The following PTPRN2 variants were observed in gnomAD, a reference collection of about 807,000 sequenced individuals.
The protein encoded by PTPRN2 is receptor-type tyrosine-protein phosphatase N2.
In PTPRN2, 74 loss-of-function variants were observed where a neutral mutation model predicts 118.8. The ratio of observed to expected loss-of-function variants is 0.62; its 90% CI spans 0.52 to 0.76. The LOEUF (loss-of-function observed/expected upper bound fraction) is 0.76. Among genes scored for constraint, PTPRN2 ranks in the 30% least tolerant of loss-of-function variants. The pLI is 0.00. For missense variants in PTPRN2, 1,481 were observed against 1,394.4 expected (o/e 1.06, Z -0.99); for synonymous variants, 641 against 608.0 (o/e 1.05, Z -0.80).
intron 3 of PTPRN2, among the ~76,000 whole-genome samples, chr7:158,238,454 A>G (rs1337842972): frequency 6.6e-6 from 1 of 152,188 alleles, no homozygotes; most frequent in East Asian, 1.9e-4. Flanking sequence ...TCTGCCGCTC[A>G]TCAGAAACCT....
Position 158,071,264 on chromosome 7 carries a change from G to A in PTPRN2, c.1723+10034C>T, listed in dbSNP as rs1216168244. On this transcript the variant is annotated intron_variant, in intron 11 of 22. Coordinates refer to ENST00000389418, the MANE Select transcript of PTPRN2 (RefSeq NM_002847.5). ...GTGCTCGTAGTATGGAGGTGCCCGT[G>A]GTGGTGGAGGTGCCCGTGGTGGTGG... 2.7e-3 allele frequency among the ~76,000 whole-genome samples: 131 copies of A among 48,390 alleles called. 10 individuals are homozygous for A. Among genetic ancestry groups the A allele is most frequent in the East Asian group, 8.8e-3 (4 of 452 alleles). 31.7% of individuals were successfully genotyped at this position (48,390 alleles called of 152,430 possible).
intron 2 of PTPRN2, among the ~76,000 whole-genome samples, chr7:158,386,156 CCT>C (rs1191366847): frequency 2.1e-4 from 27 of 126,726 alleles, no homozygotes; most frequent in Non-Finnish European, 2.9e-4. Context: ...CCTCCCATGC[CCT>C]GAGTCCCTCC....
In PTPRN2 at chr7:157,611,281, T is replaced by C. The variant is rs1802316791; in HGVS notation, c.2345-7206A>G. 1.3e-5 allele frequency among the ~76,000 whole-genome samples: 2 copies of C among 152,182 alleles called. No individual in the cohort carries two copies. The highest frequency in any genetic ancestry group is 2.9e-5 in the Non-Finnish European group (2 of 68,040). On this transcript the variant is annotated intron_variant, in intron 15 of 22. Coordinates refer to ENST00000389418, the MANE Select transcript of PTPRN2 (RefSeq NM_002847.5). The surrounding 1 kb of genome is among the most constrained non-coding windows in gnomAD (Gnocchi z 5.9). The stretch of plus-strand genomic sequence containing the variant: ...TCGGAAGCATGTTGGGCAGGTGACC[T>C]GGGGCAGGTGGACTAGAAGGAGCCT...
intron 12 of PTPRN2, among the ~76,000 whole-genome samples, chr7:157,754,475 C>G (rs1801667658): frequency 1.3e-5 from 2 of 152,248 alleles, no homozygotes; most frequent in Non-Finnish European, 2.9e-5. Context: ...AGACATCAAC[C>G]TAGACCAGCC....
chr7:158,096,921 A>G (rs1179965851), intron 10 of PTPRN2, among the ~76,000 whole-genome samples: 5 of 152,180 alleles, frequency 3.3e-5, no homozygotes, highest in Admixed American at 6.5e-5. Context: ...TTTGAGTGAT[A>G]TTACTAACGC....
intron 22 of PTPRN2, among the ~76,000 whole-genome samples, chr7:157,542,101 T>C (rs1419644240): frequency 1.3e-5 from 2 of 152,320 alleles, no homozygotes; most frequent in Non-Finnish European, 2.9e-5. Flanking sequence ...TTTCTGCTCC[T>C]CGAAATTACG....
At chr7:157,588,837 A>G (rs1405363577) in intron 17 of PTPRN2, among the ~76,000 whole-genome samples, 1 of 152,020 alleles carries the variant, frequency 6.6e-6, no homozygotes, top group Non-Finnish European at 1.5e-5. Context: ...GTCTGGGTCT[A>G]GAATGGGCTT....
chr7:157,805,435 T>G (rs1805572041), intron 12 of PTPRN2, among the ~76,000 whole-genome samples: 1 of 152,178 alleles, frequency 6.6e-6, no homozygotes, highest in Non-Finnish European at 1.5e-5. Context: ...AGCACATTTT[T>G]CTTATAAATT....
chr7:157,753,190 A>G (rs973275180), intron 12 of PTPRN2, among the ~76,000 whole-genome samples: 4 of 151,884 alleles, frequency 2.6e-5, no homozygotes, highest in East Asian at 1.9e-4. Flanking sequence ...CGGAACCCAC[A>G]CCCCGCGCAG....
chr7:157,601,527 C>G (rs1477822180), intron 16 of PTPRN2, among the ~76,000 whole-genome samples: 1 of 152,190 alleles, frequency 6.6e-6, no homozygotes, highest in Non-Finnish European at 1.5e-5. Flanking sequence ...CCTGGCCTTG[C>G]CTTCTCACCC....
intron 1 of PTPRN2, among the ~76,000 whole-genome samples, chr7:158,561,359 C>T (rs1827372560): frequency 6.6e-6 from 1 of 152,088 alleles, no homozygotes; most frequent in South Asian, 2.1e-4. Context: ...GACAGCTCTT[C>T]GGGGGTGTGG....
chr7:157,978,320 G>A (rs556578805), intron 11 of PTPRN2, among the ~76,000 whole-genome samples: 1 of 152,096 alleles, frequency 6.6e-6, no homozygotes, highest in African/African-American at 2.4e-5. Flanking sequence ...GTCTTATGCT[G>A]ACCGCATGTC....
intron 11 of PTPRN2, among the ~76,000 whole-genome samples, chr7:157,948,296 A>G (rs1289033408): frequency 6.6e-6 from 1 of 152,240 alleles, no homozygotes; most frequent in Non-Finnish European, 1.5e-5. Flanking sequence ...AATTTGTGAC[A>G]ATAACAACAT....
intron 13 of PTPRN2, among the ~76,000 whole-genome samples, chr7:157,670,450 A>T (rs1381968853): frequency 6.6e-6 from 1 of 152,208 alleles, no homozygotes; most frequent in African/African-American, 2.4e-5. Flanking sequence ...ACAGAATTTT[A>T]ATGAGCATCT....
At chr7:158,331,041 G>C (rs373122073) in intron 2 of PTPRN2, among the ~76,000 whole-genome samples, 469 of 36,814 alleles carry the variant, frequency 0.013, no homozygotes, top group Middle Eastern at 0.062. Context: ...ACCATAAGAG[G>C]TGACACCTGC....
At chr7:157,752,781 A>T (rs1363765124) in intron 12 of PTPRN2, among the ~76,000 whole-genome samples, 1 of 152,122 alleles carries the variant, frequency 6.6e-6, no homozygotes, top group African/African-American at 2.4e-5. Flanking sequence ...CAAACCACTG[A>T]CTCTGGAAAT....
chr7:158,318,766 C>T (rs1417005364), intron 2 of PTPRN2, among the ~76,000 whole-genome samples: 2 of 152,258 alleles, frequency 1.3e-5, no homozygotes, highest in Non-Finnish European at 2.9e-5. Flanking sequence ...GGTGGACGTG[C>T]GTGGCCAGCT....
intron 14 of PTPRN2, among the ~76,000 whole-genome samples, chr7:157,624,216 T>C (rs1585129911): frequency 6.6e-6 from 1 of 151,578 alleles, no homozygotes; most frequent in Admixed American, 6.6e-5. Flanking sequence ...AGGCCAGGAG[T>C]TCGAGACCAG....
At chr7:158,364,713 GC>G (rs1286633037) in intron 2 of PTPRN2, among the ~76,000 whole-genome samples, 1 of 152,158 alleles carries the variant, frequency 6.6e-6, no homozygotes, top group African/African-American at 2.4e-5. Context: ...CGTCATCCAA[GC>G]CTCGGATGTG....
Sources: allele counts gnomAD v4.1 joint callset (sites outside exome capture counted in the v4.1 genomes callset), GRCh38; gene constraint gnomAD v4.1.1; non-coding constraint Gnocchi (gnomAD v3.1); transcripts MANE v1.5; gene names NCBI Gene and HGNC (gene_info 2026-07-23, HGNC 2026-07-21).